Variants in SLAIN2 observed in about 807,000 individuals in gnomAD.
The protein encoded by SLAIN2 is SLAIN motif-containing protein 2.
In SLAIN2, 31 loss-of-function variants were observed where a neutral mutation model predicts 56.6. The ratio of observed to expected loss-of-function variants is 0.55; its 90% CI spans 0.41 to 0.74. The LOEUF is 0.74. Ranked by LOEUF, SLAIN2 falls within the 30% of genes least tolerant of loss-of-function variation. The probability of loss-of-function intolerance (pLI) is 0.00; values close to 1 mark genes in which losing one functional copy is unlikely to be tolerated. For missense variants in SLAIN2, 777 were observed against 754.2 expected (o/e 1.03, Z -0.35); for synonymous variants, 317 against 284.9 (o/e 1.11, Z -1.13).
intron 1 of SLAIN2, among the ~76,000 whole-genome samples, chr4:48,366,690 A>AT (rs1715530964): frequency 6.6e-6 from 1 of 152,068 alleles, no homozygotes; most frequent in African/African-American, 2.4e-5. Flanking sequence ...GTTGTGTCTT[A>AT]TTTTTTAATC....
chr4:48,425,789 T>C lies in SLAIN2; in HGVS notation c.*3712T>C, dbSNP rs1717283333. Reference sequence around the variant, plus strand: ...ACCACTGATGTATTTTGAATGATCCTAAATATAAGTCTTGGGTGGCTAAAT... The same window carrying C: ...ACCACTGATGTATTTTGAATGATCCCAAATATAAGTCTTGGGTGGCTAAAT... On this transcript the variant is annotated 3_prime_UTR_variant, in exon 8 of 8. Coordinates refer to ENST00000264313, the MANE Select transcript of SLAIN2 (RefSeq NM_020846.2). 6.6e-6 allele frequency: 1 copy of C among 152,150 alleles called. No individual in the cohort carries two copies. Among genetic ancestry groups the C allele is most frequent in the Admixed American group, 6.5e-5 (1 of 15,270 alleles). 9.4% of individuals were successfully genotyped at this position (152,150 alleles called of 1,614,324 possible).
At chr4:48,354,760 A>G (rs1222461041) in intron 1 of SLAIN2, among the ~76,000 whole-genome samples, 2 of 152,274 alleles carry the variant, frequency 1.3e-5, no homozygotes, top group South Asian at 2.1e-4. Flanking sequence ...CAGTGTGCCC[A>G]GCCTGTTATG....
At chr4:48,346,834 C>T (rs1190759583) in intron 1 of SLAIN2, among the ~76,000 whole-genome samples, 2 of 138,786 alleles carry the variant, frequency 1.4e-5, no homozygotes, top group Non-Finnish European at 3.1e-5. Context: ...TTTCTATTTC[C>T]CTTTTTTTTT....
chr4:48,383,712 A>C lies in SLAIN2; in HGVS notation c.1288A>C (p.Ser430Arg). ...TSNTQVDSVK[S>R]SRSDSNFQVP... ...TAATACACAAGTTGACTCAGTGAAA[A>C]GCAGCAGAAGTGACTCAAATTTTCA... is the stretch of plus-strand genomic sequence containing the variant. The change falls in exon 6 of 8, where the codon AGC becomes CGC. Residue 430 changes from serine (S) to arginine (R), a missense_variant. By Grantham distance (110) the Ser-to-Arg change is moderately radical. Transcript: ENST00000264313. The C allele has an allele frequency of 6.2e-7, 1 of 1,611,488 alleles. No individual in the cohort carries two copies. The highest frequency in any genetic ancestry group is 8.5e-7 in the Non-Finnish European group (1 of 1,178,450).
chr4:48,350,034 C>G (rs1714970860), intron 1 of SLAIN2, among the ~76,000 whole-genome samples: 1 of 152,200 alleles, frequency 6.6e-6, no homozygotes, highest in South Asian at 2.1e-4. Flanking sequence ...TTAGAATGTT[C>G]TTAACTTTAC....
In SLAIN2 at chr4:48,341,757, C is replaced by G; in HGVS notation, c.18C>G (p.Ser6=). ...GGGCCGGGATGGAGGACGTTAACTC[C>G]AACGTGAACGCGGACCAGGAGGTGC... MEDVN[S]NVNADQEVRK... The change falls in exon 1 of 8, where the codon TCC becomes TCG. Residue 6 remains serine (S), a synonymous_variant. Transcript: ENST00000264313. 6.5e-7 allele frequency: 1 copy of G among 1,533,196 alleles called. No individual in the cohort carries two copies. Among genetic ancestry groups the G allele is most frequent in the Non-Finnish European group, 8.8e-7 (1 of 1,140,016 alleles). The allele number at this position is 1,533,196 out of a possible 1,614,324, so 95.0% of individuals were successfully genotyped here. A position where few individuals can be genotyped will look rare whatever the true frequency, so the allele number is the denominator to read the frequency against.
intron 1 of SLAIN2, among the ~76,000 whole-genome samples, chr4:48,344,963 G>A (rs1182785634): frequency 6.6e-6 from 1 of 152,168 alleles, no homozygotes; most frequent in Non-Finnish European, 1.5e-5. Context: ...AAAGTTTAGG[G>A]ATGAGAACTA....
At chr4:48,387,978 AT>A (rs1345620376) in intron 6 of SLAIN2, among the ~76,000 whole-genome samples, 9 of 151,970 alleles carry the variant, frequency 5.9e-5, no homozygotes, top group Non-Finnish European at 1.2e-4. Context: ...TTAAGTATTT[AT>A]TTTTTCAGCT....
At chr4:48,391,276 A>T (rs139517768) in intron 6 of SLAIN2, among the ~76,000 whole-genome samples, 49 of 152,340 alleles carry the variant, frequency 3.2e-4, no homozygotes, top group Non-Finnish European at 6.5e-4. Context: ...TGAAAGGAAC[A>T]TGTGTAGTGG....
chr4:48,387,064 TC>T (rs1716119266), intron 6 of SLAIN2, among the ~76,000 whole-genome samples: 1 of 152,140 alleles, frequency 6.6e-6, no homozygotes, highest in Non-Finnish European at 1.5e-5. Context: ...ATGATACATG[TC>T]CAAACAGCAT....
Position 48,422,223 on chromosome 4 carries a change from A to G in SLAIN2, c.*146A>G, listed in dbSNP as rs1273637225. 8.1e-6 allele frequency: 5 copies of G among 613,828 alleles called. No individual in the cohort carries two copies. The highest frequency in any genetic ancestry group is 7.4e-5 in the African/African-American group (4 of 53,942). The allele number at this position is 613,828 out of a possible 1,614,324, so 38.0% of individuals were successfully genotyped here. A position where few individuals can be genotyped will look rare whatever the true frequency, so the allele number is the denominator to read the frequency against. ...TCTCTGTCTTAATTAGCACAAACCG[A>G]CAGAGATCATCAAACAGCACTTTAA... On this transcript the variant is annotated 3_prime_UTR_variant, in exon 8 of 8. Coordinates refer to ENST00000264313, the MANE Select transcript of SLAIN2 (RefSeq NM_020846.2).
At chr4:48,392,042 A>C (rs1176586999) in intron 6 of SLAIN2, among the ~76,000 whole-genome samples, 2 of 152,170 alleles carry the variant, frequency 1.3e-5, no homozygotes, top group African/African-American at 4.8e-5. Flanking sequence ...AACACACTGA[A>C]CTCTATTATT....
intron 6 of SLAIN2, among the ~76,000 whole-genome samples, chr4:48,414,755 G>A (rs1300389650): frequency 1.0e-5 from 1 of 99,370 alleles, no homozygotes; most frequent in African/African-American, 4.1e-5. Context: ...TCCCCTTCCT[G>A]TGTCCATGTG....
chr4:48,374,993 G>A (rs946920297), intron 2 of SLAIN2, among the ~76,000 whole-genome samples: 1 of 152,178 alleles, frequency 6.6e-6, no homozygotes, highest in Non-Finnish European at 1.5e-5. Flanking sequence ...AATGGGTGGT[G>A]TATATAGGTC....
chr4:48,370,119 A>T, intron 2 of SLAIN2, 122 bp downstream of exon 2: 2 of 950,444 alleles, frequency 2.1e-6, no homozygotes, highest in Non-Finnish European at 3.1e-6. Context: ...CTCATTGTTC[A>T]TATCATCATG....
At position 48,379,824 on chromosome 4, in the gene SLAIN2, A is replaced by T. The variant is rs756880572; in HGVS notation, c.838A>T (p.Ile280Phe). Residue 280 changes from isoleucine to phenylalanine, a missense_variant, in exon 4 of 8, where the codon ATT becomes TTT. Ile to Phe is a conservative substitution (Grantham distance 21). Coordinates refer to ENST00000264313, the MANE Select transcript of SLAIN2 (RefSeq NM_020846.2). ...YKLNDVTDVQ[I>F]LARMQEESLR... is the part of the protein sequence containing the mutation. ...GCTAAATGATGTAACTGATGTACAG[A>T]TTCTAGCCCGGATGCAGGAAGAAAG... 1 of 1,562,702 alleles carries T rather than the reference A, an allele frequency of 6.4e-7. No individual in the cohort carries two copies. The highest frequency in any genetic ancestry group is 8.6e-7 in the Non-Finnish European group (1 of 1,161,958).
chr4:48,398,676 G>C (rs533915398), intron 6 of SLAIN2, among the ~76,000 whole-genome samples: 1 of 152,130 alleles, frequency 6.6e-6, no homozygotes, highest in Non-Finnish European at 1.5e-5. Flanking sequence ...TTTTTATAAG[G>C]TGTAAGGAAG....
intron 6 of SLAIN2, among the ~76,000 whole-genome samples, chr4:48,410,260 C>CT: frequency 6.8e-6 from 1 of 146,674 alleles, no homozygotes. Flanking sequence ...TATTCAAATT[C>CT]TTTGTCTCTG....
At chr4:48,421,179 C>A (rs186125669) in intron 7 of SLAIN2, among the ~76,000 whole-genome samples, 1 of 152,094 alleles carries the variant, frequency 6.6e-6, no homozygotes. Context: ...CCATGCCTGG[C>A]TAATTTTTGT....
Sources: gnomAD v4.1 joint callset for allele counts (sites outside exome capture counted in the v4.1 genomes callset) on GRCh38, gnomAD v4.1.1 for gene constraint, MANE v1.5 for transcripts, NCBI Gene and HGNC (gene_info 2026-07-23, HGNC 2026-07-21) for gene names.